DGCR2: variants seen among roughly 807,000 people sequenced by gnomAD.
DGCR2 encodes the protein integral membrane protein DGCR2/IDD.
In DGCR2, 24 loss-of-function variants were observed where a neutral mutation model predicts 51.6. The ratio of observed to expected loss-of-function variants is 0.47; its 90% CI spans 0.34 to 0.65. The LOEUF (loss-of-function observed/expected upper bound fraction) is 0.65. Ranked by LOEUF, DGCR2 falls within the 30% of genes least tolerant of loss-of-function variation. The pLI, the probability that DGCR2 is intolerant of heterozygous loss-of-function variation, is 0.01. For synonymous variants in DGCR2, 340 were observed against 315.4 expected (o/e 1.08, Z -0.82); for missense variants, 765 against 772.1 (o/e 0.99, Z 0.11).
Position 19,038,978 on chromosome 22 carries a change from T to G in DGCR2, c.1540A>C (p.Ser514Arg), listed in dbSNP as rs1229633122. 3 of 1,611,816 alleles carry G rather than the reference T, an allele frequency of 1.9e-6. No individual in the cohort carries two copies. Among genetic ancestry groups the G allele is most frequent in the Admixed American group, 3.3e-5 (2 of 59,862 alleles). ...TCAGGGGGCACGAGCAGGGCGCTGCTGCTGTCGGCAGAGTCTTCCAGGTCT... is the reference window on the plus strand; with the variant it reads ...TCAGGGGGCACGAGCAGGGCGCTGCGGCTGTCGGCAGAGTCTTCCAGGTCT... The part of the protein sequence containing the change: ...LADLEDSADS[S>R]SALLVPPDPA... Residue 514 changes from serine to arginine, a missense_variant, in exon 10 of 10, where the codon AGC becomes CGC. Around this residue, in one of 3 missense-constraint regions of DGCR2, gnomAD observed 205 missense variants for 181.4 expected, o/e 1.13. Transcript: ENST00000263196.
chr22:19,062,932 A>C (rs1468277399), intron 5 of DGCR2, among the ~76,000 whole-genome samples: 3 of 152,036 alleles, frequency 2.0e-5, no homozygotes, highest in Admixed American at 2.0e-4. Flanking sequence ...CAAGGTCTTT[A>C]ACTTCAAAAG....
chr22:19,048,978 G>A (rs1237743161), intron 6 of DGCR2, among the ~76,000 whole-genome samples: 1 of 152,204 alleles, frequency 6.6e-6, no homozygotes, highest in East Asian at 1.9e-4. Flanking sequence ...GGGCTGGAAT[G>A]CCATGGATCT....
chr22:19,111,740 A>G (rs1037007631), intron 1 of DGCR2, among the ~76,000 whole-genome samples: 2 of 152,160 alleles, frequency 1.3e-5, no homozygotes, highest in African/African-American at 4.8e-5. Context: ...GAGGAAACAC[A>G]AAGGGTGATG....
chr22:19,088,836 A>AACC (rs2083046248), intron 2 of DGCR2, among the ~76,000 whole-genome samples: 1 of 152,174 alleles, frequency 6.6e-6, no homozygotes, highest in African/African-American at 2.4e-5. Context: ...AAACCAGGTG[A>AACC]AGAACCTGGT....
chr22:19,042,086 A>G (rs2082439452), intron 7 of DGCR2, 127 bp from the exon 8 acceptor site: 1 of 1,126,706 alleles, frequency 8.9e-7, no homozygotes, highest in Non-Finnish European at 1.2e-6. Flanking sequence ...CCTGCACCCA[A>G]CCATCTTTAG....
chr22:19,105,104 C>T (rs2083248125), intron 1 of DGCR2, among the ~76,000 whole-genome samples: 1 of 152,156 alleles, frequency 6.6e-6, no homozygotes, highest in Non-Finnish European at 1.5e-5. Context: ...GGGTGGATCA[C>T]CGGAGGCCAG....
intron 2 of DGCR2, among the ~76,000 whole-genome samples, chr22:19,068,549 G>C (rs913535017): frequency 6.6e-6 from 1 of 152,242 alleles, no homozygotes; most frequent in Non-Finnish European, 1.5e-5. Flanking sequence ...TCCCTCAGCA[G>C]TTCCAGCCCC....
intron 1 of DGCR2, among the ~76,000 whole-genome samples, chr22:19,095,356 C>T (rs1185902403): frequency 6.6e-6 from 1 of 151,762 alleles, no homozygotes; most frequent in Non-Finnish European, 1.5e-5. Context: ...GAGCAAAATT[C>T]TGTCTCAAAA....
intron 5 of DGCR2, 136 bp downstream of exon 5, chr22:19,063,066 T>G: frequency 4.0e-6 from 3 of 758,074 alleles, no homozygotes; most frequent in Non-Finnish European, 6.5e-6. Context: ...CAGCCCTCCC[T>G]GCAACTGGGG....
At chr22:19,086,297 G>A (rs2083014764) in intron 2 of DGCR2, among the ~76,000 whole-genome samples, 1 of 152,016 alleles carries the variant, frequency 6.6e-6, no homozygotes, top group Non-Finnish European at 1.5e-5. Flanking sequence ...CTAGCACGGT[G>A]AAACCCTGTC....
chr22:19,053,539 G>C (rs964987837), intron 6 of DGCR2, among the ~76,000 whole-genome samples: 1 of 152,012 alleles, frequency 6.6e-6, no homozygotes, highest in Admixed American at 6.6e-5. Context: ...CCAGATCAAC[G>C]CCCTGCACTG....
intron 1 of DGCR2, among the ~76,000 whole-genome samples, chr22:19,102,689 G>A (rs564996802): frequency 6.6e-6 from 1 of 150,714 alleles, no homozygotes; most frequent in East Asian, 2.0e-4. Flanking sequence ...GTGACAGAGC[G>A]AGACTCCGTC....
intron 9 of DGCR2, among the ~76,000 whole-genome samples, chr22:19,040,485 G>A (rs2082418816): frequency 6.6e-6 from 1 of 152,214 alleles, no homozygotes; most frequent in Non-Finnish European, 1.5e-5. Context: ...CAGAGACAGA[G>A]ACAGGCCAGG....
intron 1 of DGCR2, among the ~76,000 whole-genome samples, chr22:19,108,258 G>C (rs1471262968): frequency 6.6e-6 from 1 of 152,082 alleles, no homozygotes; most frequent in Non-Finnish European, 1.5e-5. Flanking sequence ...AAAAGTCTTT[G>C]ATCAAAAGCT....
chr22:19,039,209 C>T, intron 9 of DGCR2, 88 bp from the exon 10 acceptor site: 1 of 1,530,086 alleles, frequency 6.5e-7, no homozygotes, highest in Non-Finnish European at 8.9e-7. Flanking sequence ...GGAGACACTC[C>T]TCCTGCCTGA....
chr22:19,062,988 G>A (rs900354746), intron 5 of DGCR2, among the ~76,000 whole-genome samples: 1 of 152,142 alleles, frequency 6.6e-6, no homozygotes, highest in Admixed American at 6.5e-5. Flanking sequence ...AGATGCAACA[G>A]AGGGTTCCAG....
In DGCR2 at chr22:19,048,505, G is replaced by T. The variant is rs1192115248; in HGVS notation, c.941C>A (p.Pro314His). 1 of 1,614,006 alleles carries T rather than the reference G, an allele frequency of 6.2e-7. No homozygotes were observed. Among genetic ancestry groups the T allele is most frequent in the Non-Finnish European group, 8.5e-7 (1 of 1,180,028 alleles). Residue 314 changes from proline to histidine, a missense_variant, in exon 7 of 10, where the codon CCC (proline) becomes CAC (histidine). By Grantham distance (77) the Pro-to-His change is moderately conservative (BLOSUM62 -2). Around this residue, in one of 3 missense-constraint regions of DGCR2, gnomAD observed 190 missense variants for 265.2 expected, o/e 0.72. Transcript: ENST00000263196. ...CTTGCGGTACTGTTGGCAGCCCTGG[G>T]GCCTCTCACAGAGAGCAGCCACACA... ...EMCVAALCER[P>H]QGCQQYRKDP...
intron 2 of DGCR2, among the ~76,000 whole-genome samples, chr22:19,084,281 C>G (rs1232340883): frequency 6.6e-6 from 1 of 151,914 alleles, no homozygotes; most frequent in East Asian, 2.0e-4. Flanking sequence ...TGAGGAGTGT[C>G]TCTGCCCGGC....
chr22:19,040,496 G>T (rs2082418991), intron 9 of DGCR2, among the ~76,000 whole-genome samples: 1 of 152,192 alleles, frequency 6.6e-6, no homozygotes. Context: ...ACAGGCCAGG[G>T]GTCAGGGGCC....
Sources: gnomAD v4.1 joint callset for allele counts (sites outside exome capture counted in the v4.1 genomes callset) on GRCh38, gnomAD v4.1.1 for gene constraint, gnomAD v4.1.1 regional missense constraint, MANE v1.5 for transcripts, NCBI Gene and HGNC (gene_info 2026-07-23, HGNC 2026-07-21) for gene names.